INPP4B: variants seen among roughly 807,000 people sequenced by gnomAD.
INPP4B encodes the protein inositol polyphosphate-4-phosphatase type II B, also known as inositol polyphosphate 4-phosphatase type II.
INPP4B carries 55 observed loss-of-function variants against 122.5 expected under a neutral mutation model. The observed-to-expected ratio is 0.45, with a 90% CI of 0.36 to 0.56. The LOEUF is 0.56. Among genes scored for constraint, INPP4B ranks in the 20% least tolerant of loss-of-function variants. The pLI, the probability that INPP4B is intolerant of heterozygous loss-of-function variation, is 0.00. For missense variants in INPP4B, 1,000 were observed against 1,097.7 expected (o/e 0.91, Z 1.26); for synonymous variants, 403 against 388.7 (o/e 1.04, Z -0.43).
chr4:142,839,102 T>C (rs1783158286), intron 1 of INPP4B, among the ~76,000 whole-genome samples: 1 of 152,208 alleles, frequency 6.6e-6, no homozygotes, highest in South Asian at 2.1e-4. Flanking sequence ...CCTTGACTCA[T>C]GAAAAGCTAA....
chr4:142,041,639 A>C (rs116252350), intron 25 of INPP4B, among the ~76,000 whole-genome samples: 3,177 of 152,156 alleles, frequency 0.021, 107 homozygotes, highest in African/African-American at 0.07. Flanking sequence ...ACTACTACTA[A>C]TAATAATATC....
chr4:142,753,377 A>T (rs900372810), intron 1 of INPP4B, among the ~76,000 whole-genome samples: 1 of 152,056 alleles, frequency 6.6e-6, no homozygotes, highest in Non-Finnish European at 1.5e-5. Context: ...AGCTAGCTTG[A>T]TATTGTTGGA....
intron 17 of INPP4B, among the ~76,000 whole-genome samples, chr4:142,150,002 G>T (rs1014224126): frequency 1.3e-5 from 2 of 152,168 alleles, no homozygotes; most frequent in Admixed American, 1.3e-4. Context: ...GATTTTTAAA[G>T]GGAAGCATTG....
intron 2 of INPP4B, among the ~76,000 whole-genome samples, chr4:142,512,575 G>GA (rs1314514369): frequency 2.0e-5 from 3 of 152,006 alleles, no homozygotes; most frequent in Non-Finnish European, 4.4e-5. Context: ...AGTTTATGAG[G>GA]AAAAAAATGT....
chr4:142,366,572 A>G (rs1489343261), intron 7 of INPP4B, among the ~76,000 whole-genome samples: 2 of 152,146 alleles, frequency 1.3e-5, no homozygotes, highest in Non-Finnish European at 2.9e-5. Context: ...ATCGTCACCA[A>G]TAATCTATGT....
At position 142,055,037 on chromosome 4, in the gene INPP4B, G is replaced by C. The variant is rs140693350; in HGVS notation, c.2643-26123C>G. On this transcript the variant is annotated intron_variant, in intron 25 of 25. Coordinates refer to ENST00000262992, the MANE Select transcript of INPP4B (RefSeq NM_001101669.3). ...TATGTTTGTGTGTGCATGTGTGTAT[G>C]TTAGACTCCACTTACTTACTAGTTT... Among the ~76,000 whole-genome samples the C allele has an allele frequency of 2.2e-3, 330 of 152,140 alleles. 2 individuals are homozygous for C. Among genetic ancestry groups the C allele is most frequent in the African/African-American group, 7.7e-3 (318 of 41,534 alleles).
intron 11 of INPP4B, among the ~76,000 whole-genome samples, chr4:142,257,017 G>A (rs1736546209): frequency 6.6e-6 from 1 of 152,124 alleles, no homozygotes; most frequent in Non-Finnish European, 1.5e-5. Context: ...ATGATCAAGT[G>A]GGTTTCATCC....
chr4:142,763,272 C>T lies in INPP4B; in HGVS notation c.-253-37371G>A, dbSNP rs555779436. On this transcript the variant is annotated intron_variant, in intron 1 of 25. Coordinates refer to ENST00000262992, the MANE Select transcript of INPP4B (RefSeq NM_001101669.3). ...ATTTAAATATATTCTAAGTCTCTCT[C>T]CAAGTATGCTAACTTGTTAACACTA... 2.6e-5 allele frequency among the ~76,000 whole-genome samples: 4 copies of T among 152,238 alleles called. No individual in the cohort carries two copies. The East Asian group carries it at 5.8e-4, about 22-fold the overall frequency.
At chr4:142,813,129 T>C (rs1425555601) in intron 1 of INPP4B, among the ~76,000 whole-genome samples, 2 of 152,158 alleles carry the variant, frequency 1.3e-5, no homozygotes, top group Non-Finnish European at 1.5e-5. Flanking sequence ...ATGAACTCTT[T>C]CTAAACCCAG....
At chr4:142,286,947 G>T (rs2150898079) in intron 9 of INPP4B, 1 of 152,240 alleles carries the variant, frequency 6.6e-6, no homozygotes, top group East Asian at 1.9e-4. Context: ...GAGCTATGAG[G>T]ACACTTGCCT....
chr4:142,279,806 G>A (rs1478271946), intron 9 of INPP4B, among the ~76,000 whole-genome samples: 1 of 151,830 alleles, frequency 6.6e-6, no homozygotes, highest in Non-Finnish European at 1.5e-5. Flanking sequence ...ATAATAAAAA[G>A]ACAAGCTACT....
rs1466560600 is a variant in INPP4B at position 142,178,251 on chromosome 4, A to C, written c.1182-4442T>G. Among the ~76,000 whole-genome samples, 3 of 152,224 alleles carry C rather than the reference A, an allele frequency of 2.0e-5. No individual in the cohort carries two copies. The South Asian group carries it at 6.2e-4, about 32-fold the overall frequency. ...TTCAGAAAGTCTTGCCTTTTCCTTC[A>C]AAATATACCCAGAATCCAACCACTT... is the stretch of plus-strand genomic sequence containing the variant. On this transcript the variant is annotated intron_variant, in intron 15 of 25. Coordinates refer to ENST00000262992, the MANE Select transcript of INPP4B (RefSeq NM_001101669.3).
At chr4:142,445,574 G>A (rs996027264) in intron 3 of INPP4B, among the ~76,000 whole-genome samples, 1 of 152,142 alleles carries the variant, frequency 6.6e-6, no homozygotes, top group Non-Finnish European at 1.5e-5. Flanking sequence ...AAAACTGACA[G>A]AAGTGAAATA....
chr4:142,081,007 A>G (rs987945192), intron 25 of INPP4B, among the ~76,000 whole-genome samples: 1 of 152,198 alleles, frequency 6.6e-6, no homozygotes, highest in African/African-American at 2.4e-5. Context: ...TCAAAAAATT[A>G]TGATAGAGCT....
intron 2 of INPP4B, among the ~76,000 whole-genome samples, chr4:142,691,676 G>A (rs745435191): frequency 1.3e-5 from 2 of 151,986 alleles, no homozygotes; most frequent in Non-Finnish European, 2.9e-5. Context: ...ATTTCCTGGG[G>A]GTAGCTCAGG....
At chr4:142,033,978 C>T (rs1229615010) in intron 25 of INPP4B, among the ~76,000 whole-genome samples, 1 of 151,982 alleles carries the variant, frequency 6.6e-6, no homozygotes, top group African/African-American at 2.4e-5. Context: ...CTACTTCATT[C>T]TTATTGAGTA....
At chr4:142,442,436 A>AG (rs1237513081) in intron 3 of INPP4B, among the ~76,000 whole-genome samples, 1 of 142,490 alleles carries the variant, frequency 7.0e-6, no homozygotes, top group East Asian at 2.0e-4. Context: ...AAAAAGAGAG[A>AG]GAAGAAAAAA....
At chr4:142,694,160 G>A (rs186661236) in intron 2 of INPP4B, among the ~76,000 whole-genome samples, 1 of 152,064 alleles carries the variant, frequency 6.6e-6, no homozygotes, top group African/African-American at 2.4e-5. Flanking sequence ...ATCGCTTGAG[G>A]TCGGGAGTTC....
At chr4:142,091,001 T>C (rs1779274963) in intron 23 of INPP4B, among the ~76,000 whole-genome samples, 2 of 152,186 alleles carry the variant, frequency 1.3e-5, no homozygotes. Flanking sequence ...TGTACCATAT[T>C]TTTATGGATA....
Sources: allele counts gnomAD v4.1 joint callset (sites outside exome capture counted in the v4.1 genomes callset), GRCh38; gene constraint gnomAD v4.1.1; transcripts MANE v1.5; gene names NCBI Gene and HGNC (gene_info 2026-07-23, HGNC 2026-07-21).